INTS7: variants seen among roughly 807,000 people sequenced by gnomAD.
INTS7 encodes integrator complex subunit 7, also known as chromosome 1 open reading frame 73.
In INTS7, 46 loss-of-function variants were observed where a neutral mutation model predicts 109.2. That is an observed-to-expected ratio of 0.42 (90% CI 0.33 to 0.54). The LOEUF (loss-of-function observed/expected upper bound fraction) is 0.54, where lower values mean the gene tolerates loss of function less well. INTS7 is among the 20% of genes least tolerant of loss of function. The pLI is 0.07. For synonymous variants in INTS7, 412 were observed against 402.9 expected, an observed-to-expected ratio of 1.02 and a Z score of -0.27; for missense variants, 929 against 1,132.4, an observed-to-expected ratio of 0.82 and a Z score of 2.58.
intron 1 of INTS7, among the ~76,000 whole-genome samples, chr1:212,028,008 G>C (rs955630792): frequency 6.6e-6 from 1 of 152,118 alleles, no homozygotes; most frequent in Non-Finnish European, 1.5e-5. Context: ...TATATTTTTA[G>C]TAGAGACAGG....
chr1:212,003,133 C>T (rs866535982), intron 7 of INTS7, among the ~76,000 whole-genome samples: 8 of 151,956 alleles, frequency 5.3e-5, no homozygotes, highest in South Asian at 4.2e-4. Context: ...GAAAAAGAGA[C>T]AGCGGCAATA....
chr1:212,013,227 C>A (rs182510793), intron 4 of INTS7, among the ~76,000 whole-genome samples: 3 of 152,240 alleles, frequency 2.0e-5, no homozygotes, highest in East Asian at 3.9e-4. Context: ...CACTATGTTG[C>A]CTAGGCTGGT....
chr1:212,015,308 C>G (rs1426032450), intron 4 of INTS7, among the ~76,000 whole-genome samples: 1 of 152,176 alleles, frequency 6.6e-6, no homozygotes, highest in Non-Finnish European at 1.5e-5. Context: ...CAGATTGTTA[C>G]TGTGTCTGTG....
intron 7 of INTS7, among the ~76,000 whole-genome samples, chr1:211,997,071 A>G (rs1035374668): frequency 1.3e-5 from 2 of 152,028 alleles, no homozygotes; most frequent in African/African-American, 4.8e-5. Context: ...ATGCGGGATA[A>G]AAGACTACAA....
At position 211,952,716 on chromosome 1, in the gene INTS7, A is replaced by G. The variant is rs1443345929; in HGVS notation, c.2184-15T>C. Reference sequence around the variant, plus strand: ...ATTCCTGGAAACTGAAGTAAAGGTCAATATTCATTAATCCATCAAAATAGC... The same window carrying G: ...ATTCCTGGAAACTGAAGTAAAGGTCGATATTCATTAATCCATCAAAATAGC... On this transcript the variant is annotated splice_polypyrimidine_tract_variant and intron_variant, in intron 16 of 19. Transcript: ENST00000366994. 6.2e-7 allele frequency: 1 copy of G among 1,606,526 alleles called. No homozygotes were observed. Among genetic ancestry groups the G allele is most frequent in the Non-Finnish European group, 8.5e-7 (1 of 1,174,822 alleles).
chr1:212,015,408 C>T (rs1162388202), intron 4 of INTS7, among the ~76,000 whole-genome samples: 2 of 151,974 alleles, frequency 1.3e-5, no homozygotes, highest in East Asian at 1.9e-4. Flanking sequence ...TAACCTTACC[C>T]CCAACCCCCT....
At chr1:212,018,226 T>G (rs1262202930) in intron 3 of INTS7, among the ~76,000 whole-genome samples, 1 of 152,166 alleles carries the variant, frequency 6.6e-6, no homozygotes, top group Non-Finnish European at 1.5e-5. Context: ...AGTGTTACTG[T>G]AGAAAAATCT....
At chr1:211,982,148 A>G (rs1286044754) in intron 9 of INTS7, among the ~76,000 whole-genome samples, 1 of 152,252 alleles carries the variant, frequency 6.6e-6, no homozygotes, top group Non-Finnish European at 1.5e-5. Context: ...GATGTTAGGT[A>G]GACAACAAAA....
intron 7 of INTS7, among the ~76,000 whole-genome samples, chr1:211,992,823 T>C (rs1665203791): frequency 6.6e-6 from 1 of 152,206 alleles, no homozygotes; most frequent in Non-Finnish European, 1.5e-5. Context: ...TTCGTGGACA[T>C]TACCTATTAC....
At chr1:212,020,336 T>C (rs1269124525) in intron 2 of INTS7, 68 bp from the exon 3 acceptor site, 2 of 890,484 alleles carry the variant, frequency 2.2e-6, no homozygotes, top group Non-Finnish European at 3.4e-6. Flanking sequence ...AAAGCAACAC[T>C]AATAATATTA....
Position 211,952,715 on chromosome 1 carries a change from C to T in INTS7, c.2184-14G>A. The T allele has an allele frequency of 1.9e-6, 3 of 1,607,566 alleles. No homozygotes were observed. Among genetic ancestry groups the T allele is most frequent in the Non-Finnish European group, 1.7e-6 (2 of 1,175,612 alleles). On this transcript the variant is annotated splice_polypyrimidine_tract_variant and intron_variant, in intron 16 of 19. Transcript: ENST00000366994. ...TATTCCTGGAAACTGAAGTAAAGGT[C>T]AATATTCATTAATCCATCAAAATAG... is the stretch of plus-strand genomic sequence containing the variant.
intron 10 of INTS7, among the ~76,000 whole-genome samples, chr1:211,980,843 G>T (rs758859126): frequency 2.6e-5 from 4 of 152,110 alleles, no homozygotes; most frequent in Admixed American, 6.5e-5. Flanking sequence ...ATAAACTAGG[G>T]CTTATACCAC....
chr1:211,995,158 A>C (rs1665325981), intron 7 of INTS7, among the ~76,000 whole-genome samples: 2 of 152,166 alleles, frequency 1.3e-5, no homozygotes, highest in African/African-American at 4.8e-5. Context: ...TTAGCACATT[A>C]AAATCTTTTA....
chr1:211,975,012 A>T (rs914554487), intron 13 of INTS7, among the ~76,000 whole-genome samples, 154 bp downstream of exon 13: 2 of 152,228 alleles, frequency 1.3e-5, no homozygotes, highest in African/African-American at 4.8e-5. Flanking sequence ...CAATCTAAGA[A>T]TGTTAAAAAG....
In INTS7 at chr1:211,959,664, C is replaced by T. The variant is rs1027352496; in HGVS notation, c.2183+6766G>A. ...CATTACCCCCGCATTACCGCCATTG[C>T]ATTTGGAGCTCCTGTGTCAACATTG... On this transcript the variant is annotated intron_variant, in intron 16 of 19. Transcript: ENST00000366994. The surrounding 1 kb of genome is among the most constrained non-coding windows in gnomAD (Gnocchi z 4.2). Among the ~76,000 whole-genome samples, 1 of 152,076 alleles carries T rather than the reference C, an allele frequency of 6.6e-6. No homozygotes were observed. The highest frequency in any genetic ancestry group is 1.5e-5 in the Non-Finnish European group (1 of 68,024).
At chr1:212,027,516 C>T (rs1169728396) in intron 1 of INTS7, among the ~76,000 whole-genome samples, 1 of 152,150 alleles carries the variant, frequency 6.6e-6, no homozygotes, top group Non-Finnish European at 1.5e-5. Context: ...CTTTTCTGTG[C>T]CTGGACTTAA....
intron 7 of INTS7, among the ~76,000 whole-genome samples, chr1:211,988,696 T>C (rs1421985808): frequency 6.6e-6 from 1 of 152,200 alleles, no homozygotes; most frequent in Non-Finnish European, 1.5e-5. Flanking sequence ...GTCTCGATTT[T>C]TCTGTAAATG....
At chr1:212,012,011 T>C (rs940361927) in intron 4 of INTS7, among the ~76,000 whole-genome samples, 1 of 152,198 alleles carries the variant, frequency 6.6e-6, no homozygotes, top group Non-Finnish European at 1.5e-5. Flanking sequence ...ATTTGGTTTT[T>C]CAGATTATCC....
In INTS7 at chr1:212,007,396, T is replaced by C; in HGVS notation, c.610A>G (p.Met204Val). The C allele has an allele frequency of 6.2e-7, 1 of 1,613,996 alleles. No homozygotes were observed. ...KLKLIPILQHMHHDAILASSA... is the reference protein window; with the variant it reads ...KLKLIPILQHVHHDAILASSA... ...GAAGCCAAGATTGCATCATGGTGCA[T>C]GTGCTGTAGAATGGGTATCAATTTT... Residue 204 changes from methionine (M) to valine (V), a missense_variant, in exon 6 of 20, where the codon ATG becomes GTG. Physicochemically the swap from Met to Val is conservative, Grantham distance 21. Transcript: ENST00000366994.
Sources: gnomAD v4.1 joint callset for allele counts (sites outside exome capture counted in the v4.1 genomes callset) on GRCh38, gnomAD v4.1.1 for gene constraint, Gnocchi (gnomAD v3.1) non-coding constraint, MANE v1.5 for transcripts, NCBI Gene and HGNC (gene_info 2026-07-23, HGNC 2026-07-21) for gene names.